The following HERC2 variants were observed in gnomAD, a reference collection of about 807,000 sequenced individuals.
The protein encoded by HERC2 is E3 ubiquitin-protein ligase HERC2.
HERC2 carries 102 observed loss-of-function variants against 537.7 expected under a neutral mutation model. That is an observed-to-expected ratio of 0.19 (90% CI 0.16 to 0.22). The LOEUF (loss-of-function observed/expected upper bound fraction) is 0.22, where lower values mean the gene tolerates loss of function less well. Among genes scored for constraint, HERC2 ranks in the 10% least tolerant of loss-of-function variants. HERC2 has a pLI of 1.00. For synonymous variants in HERC2, 2,224 were observed against 2,466.2 expected, an observed-to-expected ratio of 0.90 and a Z score of 2.91; for missense variants, 4,236 against 6,198.2, an observed-to-expected ratio of 0.68 and a Z score of 10.63.
At chr15:28,306,871 G>A (rs1452573755) in intron 2 of HERC2, among the ~76,000 whole-genome samples, 1 of 152,158 alleles carries the variant, frequency 6.6e-6, no homozygotes, top group Non-Finnish European at 1.5e-5. Context: ...GTCTCACTCT[G>A]TCACCCAGGC....
rs1163477829 is a variant in HERC2 at position 28,177,188 on chromosome 15, A to G, written c.9255-61T>C. On this transcript the variant is annotated intron_variant, in intron 60 of 92. Coordinates refer to ENST00000261609, the MANE Select transcript of HERC2 (RefSeq NM_004667.6). This position sits in a 1 kb window ranked among gnomAD's most constrained non-coding sequence, Gnocchi z 5.0. ...CTGTCCCTTCTTAGAGATGAAGGAAAAAAGACATCTATACTGATCCACATG... is the reference window on the plus strand; with the variant it reads ...CTGTCCCTTCTTAGAGATGAAGGAAGAAAGACATCTATACTGATCCACATG... 6.6e-7 allele frequency: 1 copy of G among 1,509,098 alleles called. No homozygotes were observed. The allele number at this position is 1,509,098 out of a possible 1,614,324, so 93.5% of individuals were successfully genotyped here.
At chr15:28,257,324 G>A in intron 16 of HERC2, 63 bp from the exon 17 acceptor site, 2 of 1,422,042 alleles carry the variant, frequency 1.4e-6, no homozygotes, top group Non-Finnish European at 9.8e-7. Context: ...TGCTCCACAG[G>A]AGTCACCAGC....
intron 69 of HERC2, among the ~76,000 whole-genome samples, chr15:28,158,010 G>C (rs1417505708): frequency 1.3e-5 from 2 of 152,146 alleles, no homozygotes; most frequent in Non-Finnish European, 2.9e-5. Flanking sequence ...AGTCATTCAG[G>C]AGCAGGTTGT....
In HERC2 at chr15:28,298,459, TG is replaced by T; in HGVS notation, c.187+942del. The T allele has an allele frequency of 1.3e-5, 2 of 150,052 alleles. 1 individual carries two copies. The highest frequency in any genetic ancestry group is 4.3e-4 in the South Asian group (2 of 4,608). The allele number at this position is 150,052 out of a possible 1,614,324, so 9.3% of individuals were successfully genotyped here. A position where few individuals can be genotyped will look rare whatever the true frequency, so the allele number is the denominator to read the frequency against. ...CATGATCCACCACGCCCGATCCCCA[TG>T]TACTTTCAAGTGGACACCATCCCCA... is the stretch of plus-strand genomic sequence containing the variant. On this transcript the variant is annotated intron_variant, in intron 3 of 92. Transcript: ENST00000261609.
At chr15:28,114,113 G>C (rs1887960310) in intron 90 of HERC2, among the ~76,000 whole-genome samples, 1 of 152,204 alleles carries the variant, frequency 6.6e-6, no homozygotes. Flanking sequence ...TGCCACACGG[G>C]GCCTCACCCA....
chr15:28,286,149 G>A (rs771428367), intron 4 of HERC2, among the ~76,000 whole-genome samples: 1 of 151,862 alleles, frequency 6.6e-6, no homozygotes, highest in South Asian at 2.1e-4. Flanking sequence ...AACTAGAAGA[G>A]GAAAAACTTC....
chr15:28,265,800 A>G lies in HERC2; in HGVS notation c.1756+17T>C. The G allele has an allele frequency of 6.2e-7, 1 of 1,614,124 alleles. No individual in the cohort carries two copies. The highest frequency in any genetic ancestry group is 8.5e-7 in the Non-Finnish European group (1 of 1,179,992). On this transcript the variant is annotated intron_variant, in intron 13 of 92. Coordinates refer to ENST00000261609, the MANE Select transcript of HERC2 (RefSeq NM_004667.6). The surrounding 1 kb of genome is among the most constrained non-coding windows in gnomAD (Gnocchi z 4.0). ...CACCTCCTGCTGCATGCTCCCACTC[A>G]TGCAGAGCAGACGTACCATGGCCCA...
chr15:28,124,087 G>A lies in HERC2; in HGVS notation c.13138C>T (p.Pro4380Ser). 1 of 1,608,278 alleles carries A rather than the reference G, an allele frequency of 6.2e-7. No individual in the cohort carries two copies. The highest frequency in any genetic ancestry group is 1.7e-5 in the Admixed American group (1 of 59,216). The part of the protein sequence containing the change: ...EGSLDETGLG[P>S]SVGFDTLRGI... Reference sequence around the variant, plus strand: ...CGGAGAGTGTCGAACCCAACAGAAGGCCCGAGTCCAGTTTCGTCGAGCGAG... The same window carrying A: ...CGGAGAGTGTCGAACCCAACAGAAGACCCGAGTCCAGTTTCGTCGAGCGAG... Residue 4380 changes from proline (P) to serine (S), a missense_variant, in exon 85 of 93, where the codon CCT (proline) becomes TCT (serine). Around this residue, in one of 27 missense-constraint regions of HERC2, gnomAD observed 189 missense variants for 255.7 expected, o/e 0.74. Coordinates refer to ENST00000261609, the MANE Select transcript of HERC2 (RefSeq NM_004667.6).
In HERC2 at chr15:28,186,580, C is replaced by T. The variant is rs773586880; in HGVS notation, c.8822G>A (p.Gly2941Glu). 19 of 1,613,438 alleles carry T rather than the reference C, an allele frequency of 1.2e-5. No homozygotes were observed. Among genetic ancestry groups the T allele is most frequent in the Admixed American group, 3.3e-5 (2 of 59,966 alleles). Residue 2941 changes from glycine to glutamate, a missense_variant, in exon 56 of 93, where the codon GGA becomes GAA. Coordinates refer to ENST00000261609, the MANE Select transcript of HERC2 (RefSeq NM_004667.6). ...ACCTGTAACAAATGGTTCTCACCTT[C>T]CGCTGTTGCCTTTCTCATCCTCCTC... ...EEEEDEKGNSGSLIRKKAAGL... is the reference protein window; with the variant it reads ...EEEEDEKGNSESLIRKKAAGL...
Position 28,163,264 on chromosome 15 carries a change from C to A in HERC2, c.10576G>T (p.Ala3526Ser), listed in dbSNP as rs765652137. The A allele has an allele frequency of 1.4e-5, 22 of 1,613,306 alleles. No homozygotes were observed. Among genetic ancestry groups the A allele is most frequent in the Non-Finnish European group, 6.8e-6 (8 of 1,179,930 alleles). Reference protein sequence around the residue: ...TKEDVESQNKAAGPEPQALDE... With the variant: ...TKEDVESQNKSAGPEPQALDE... ...AAGGCCTGAGGCTCCGGACCTGCTG[C>A]TTTATTTTGGCTTTCAACATCCTAA... The change falls in exon 69 of 93, where the codon GCA becomes TCA. Residue 3526 changes from alanine to serine, a missense_variant. This residue lies in a region of HERC2 where 356 missense variants were observed against 450.9 expected (regional missense o/e 0.79). Transcript: ENST00000261609.
intron 2 of HERC2, among the ~76,000 whole-genome samples, chr15:28,319,205 T>C (rs1429678697): frequency 6.6e-6 from 1 of 152,288 alleles, no homozygotes; most frequent in Non-Finnish European, 1.5e-5. Context: ...ACTTTTTTCA[T>C]GCTACTTAGA....
chr15:28,177,345 G>C lies in HERC2; in HGVS notation c.9254+74C>G. 6.8e-7 allele frequency: 1 copy of C among 1,467,180 alleles called. No individual in the cohort carries two copies. Among genetic ancestry groups the C allele is most frequent in the Non-Finnish European group, 9.5e-7 (1 of 1,051,780 alleles). The allele number at this position is 1,467,180 out of a possible 1,614,324, so 90.9% of individuals were successfully genotyped here. The stretch of plus-strand genomic sequence containing the variant: ...ATAATCTATTCTATTCTAATTTTCT[G>C]CAAAATAATTCTCAAGAGTATCAGT... On this transcript the variant is annotated intron_variant, in intron 60 of 92. Transcript: ENST00000261609. This position sits in a 1 kb window ranked among gnomAD's most constrained non-coding sequence, Gnocchi z 5.0.
intron 86 of HERC2, chr15:28,118,062 G>C: frequency 5.9e-6 from 1 of 168,850 alleles, no homozygotes. Context: ...CCATAACCAA[G>C]ACTAAAAATA....
chr15:28,278,130 C>T (rs969329877), intron 5 of HERC2, among the ~76,000 whole-genome samples: 2 of 151,932 alleles, frequency 1.3e-5, no homozygotes, highest in South Asian at 2.1e-4. Flanking sequence ...GGTATGGTGG[C>T]TCATGCTTGT....
intron 45 of HERC2, among the ~76,000 whole-genome samples, chr15:28,204,398 G>C (rs1311746886): frequency 6.6e-6 from 1 of 152,134 alleles, no homozygotes; most frequent in Non-Finnish European, 1.5e-5. Flanking sequence ...GAGGAGGGCG[G>C]ATCATGAGGT....
Position 28,142,932 on chromosome 15 carries a change from A to T in HERC2, c.11439T>A (p.Leu3813=), listed in dbSNP as rs564312885. The T allele has an allele frequency of 8.7e-6, 14 of 1,608,844 alleles. No individual in the cohort carries two copies. The highest frequency in any genetic ancestry group is 1.7e-4 in the Middle Eastern group (1 of 6,040). The stretch of plus-strand genomic sequence containing the variant: ...CTGGAAGACCTTTCACCAAAGCAGC[A>T]AGAGCACTACCTGTAAAACTCTAAG... ...TRALSFTGSA[L]AALVKGLPEA... Residue 3813 remains leucine (L), a synonymous_variant, in exon 75 of 93, where the codon CTT becomes CTA. Transcript: ENST00000261609.
At chr15:28,266,170 C>T (rs1019634723) in intron 12 of HERC2, among the ~76,000 whole-genome samples, 196 bp from the exon 13 acceptor site, 1 of 152,030 alleles carries the variant, frequency 6.6e-6, no homozygotes. Context: ...CAGTTGGAAC[C>T]CGATGCCAAA....
chr15:28,310,496 T>G (rs999492844), intron 2 of HERC2, among the ~76,000 whole-genome samples: 21 of 151,896 alleles, frequency 1.4e-4, no homozygotes, highest in Non-Finnish European at 2.6e-4. Flanking sequence ...AAAAATAAAA[T>G]TAAAAAGTGA....
intron 2 of HERC2, among the ~76,000 whole-genome samples, chr15:28,301,751 A>ATATG (rs2076637655): frequency 9.7e-6 from 1 of 102,592 alleles, no homozygotes; most frequent in Non-Finnish European, 1.9e-5. Context: ...ATATATATAT[A>ATATG]TATATATATA....
Sources: allele counts gnomAD v4.1 joint callset (sites outside exome capture counted in the v4.1 genomes callset), GRCh38; gene constraint gnomAD v4.1.1; regional missense constraint gnomAD v4.1.1; non-coding constraint Gnocchi (gnomAD v3.1); transcripts MANE v1.5; gene names NCBI Gene and HGNC (gene_info 2026-07-23, HGNC 2026-07-21).